Variants in TXNRD2 observed in about 807,000 individuals in gnomAD.
TXNRD2 encodes the protein thioredoxin reductase 2.
A neutral mutation model predicts 70.8 loss-of-function variants in TXNRD2; 67 were observed. That is an observed-to-expected ratio of 0.95 (90% CI 0.78 to 1.16). The LOEUF (loss-of-function observed/expected upper bound fraction) is 1.16, where lower values mean the gene tolerates loss of function less well. Ranked by LOEUF, TXNRD2 falls within the 50% of genes most tolerant of loss-of-function variation. The probability of loss-of-function intolerance (pLI) is 0.00; values close to 1 mark genes in which losing one functional copy is unlikely to be tolerated. For missense variants in TXNRD2, 644 were observed against 719.9 expected (o/e 0.89, Z 1.21); for synonymous variants, 301 against 295.8 (o/e 1.02, Z -0.18).
At position 19,889,627 on chromosome 22, in the gene TXNRD2, AATTATTATT is replaced by A. The variant is rs71186634; in HGVS notation, c.949+5771_949+5779del. 2.7e-5 allele frequency among the ~76,000 whole-genome samples: 4 copies of A among 150,342 alleles called. No homozygotes were observed. The East Asian group carries it at 5.9e-4, about 22-fold the overall frequency. ...ACCGTCTCAAAAACAAACAAAAAAC[AATTATTATT>A]ATTATTATTATTATTAATTATTTGA... is the stretch of plus-strand genomic sequence containing the variant. On this transcript the variant is annotated intron_variant, in intron 11 of 17. Coordinates refer to ENST00000400521, the MANE Select transcript of TXNRD2 (RefSeq NM_006440.5).
intron 11 of TXNRD2, among the ~76,000 whole-genome samples, chr22:19,888,911 T>C (rs1939145180): frequency 6.7e-6 from 1 of 149,076 alleles, no homozygotes; most frequent in Non-Finnish European, 1.5e-5. Context: ...GAATCGCACC[T>C]TCTCAATGAG....
rs1388056453 is a variant in TXNRD2 at position 19,878,167 on chromosome 22, G to A, written c.1368C>T (p.Pro456=). The A allele has an allele frequency of 1.4e-5, 22 of 1,613,128 alleles. No homozygotes were observed. The African/African-American group carries it at 2.4e-4, about 18-fold the overall frequency. The change falls in exon 16 of 18, where the codon CCC becomes CCT. Residue 456 remains proline, a synonymous_variant. Coordinates refer to ENST00000400521, the MANE Select transcript of TXNRD2 (RefSeq NM_006440.5). ...AATGCAGGCCCAGCACCAGCTGTGG[G>A]GGCTCCCTCAGGCACACCATCTGAA... is the stretch of plus-strand genomic sequence containing the variant. ...CYVKMVCLRE[P]PQLVLGLHFL...
chr22:19,901,798 G>A (rs1212978604), intron 8 of TXNRD2, among the ~76,000 whole-genome samples: 4 of 152,202 alleles, frequency 2.6e-5, no homozygotes, highest in Non-Finnish European at 4.4e-5. Flanking sequence ...ACCAACTCAA[G>A]CCATGACTGG....
At chr22:19,878,317 T>C (rs1366418400) in intron 15 of TXNRD2, 49 bp downstream of exon 15, 4 of 1,607,956 alleles carry the variant, frequency 2.5e-6, no homozygotes, top group Non-Finnish European at 3.4e-6. Flanking sequence ...CCAGGCTCTT[T>C]GCCACCCTCC....
At chr22:19,907,668 C>A (rs1450941432) in intron 8 of TXNRD2, among the ~76,000 whole-genome samples, 18 of 35,238 alleles carry the variant, frequency 5.1e-4, no homozygotes, top group African/African-American at 6.2e-4. Flanking sequence ...TAGCAGTGAC[C>A]GCTCTCAGGA....
In TXNRD2 at chr22:19,936,911, G is replaced by A. The variant is rs576241000; in HGVS notation, c.103+4790C>T. 7.2e-5 allele frequency among the ~76,000 whole-genome samples: 11 copies of A among 152,188 alleles called. No homozygotes were observed. In the South Asian group the frequency reaches 1.5e-3, roughly 20 times the overall value. On this transcript the variant is annotated intron_variant, in intron 1 of 17. Coordinates refer to ENST00000400521, the MANE Select transcript of TXNRD2 (RefSeq NM_006440.5). ...GTAGATTAGAGGCGTGGGCTTATTCGGTCATGCTGGAACCTCCTAATGCTC... is the reference window on the plus strand; with the variant it reads ...GTAGATTAGAGGCGTGGGCTTATTCAGTCATGCTGGAACCTCCTAATGCTC...
intron 2 of TXNRD2, among the ~76,000 whole-genome samples, chr22:19,924,210 G>T (rs1456361972): frequency 6.6e-6 from 1 of 152,008 alleles, no homozygotes; most frequent in African/African-American, 2.4e-5. Context: ...CTCCGAAGGG[G>T]AGGACAGTGC....
rs1334948231 is a variant in TXNRD2, at chr22:19,911,419, G to A, written c.620C>T (p.Thr207Ile). Reference protein sequence around the residue: ...HIEGALEYGITSDDIFWLKES... With the variant: ...HIEGALEYGIISDDIFWLKES... ...CTTCAGCCAGAAGATGTCATCACTT[G>A]TGATTCCATATTCCAAGGCACCTTC... The change falls in exon 8 of 18, where the codon ACA becomes ATA. Residue 207 changes from threonine (T) to isoleucine (I), a missense_variant. Thr to Ile is a moderately conservative substitution (Grantham distance 89). Around this residue, in one of 3 missense-constraint regions of TXNRD2, gnomAD observed 566 missense variants for 645.0 expected, o/e 0.88. Transcript: ENST00000400521. The A allele has an allele frequency of 3.7e-6, 6 of 1,614,068 alleles. No individual in the cohort carries two copies. The highest frequency in any genetic ancestry group is 2.2e-5 in the East Asian group (1 of 44,882).
chr22:19,911,995 G>C (rs1752652630), intron 7 of TXNRD2, among the ~76,000 whole-genome samples: 1 of 152,170 alleles, frequency 6.6e-6, no homozygotes, highest in Admixed American at 6.5e-5. Flanking sequence ...GGAGGCACAG[G>C]GGGTAAGTGC....
intron 8 of TXNRD2, among the ~76,000 whole-genome samples, chr22:19,900,412 T>C (rs927956993): frequency 1.9e-4 from 29 of 152,188 alleles, no homozygotes; most frequent in Admixed American, 2.6e-4. Flanking sequence ...CCAAACTCTT[T>C]TTGGACTTGC....
At chr22:19,936,056 C>T (rs1306368853) in intron 1 of TXNRD2, among the ~76,000 whole-genome samples, 2 of 152,134 alleles carry the variant, frequency 1.3e-5, no homozygotes, top group Non-Finnish European at 2.9e-5. Flanking sequence ...GAACACTGTC[C>T]TTGGTTTCCT....
chr22:19,909,936 TCACACACCACACA>T (rs1569094110), intron 8 of TXNRD2, among the ~76,000 whole-genome samples: 11 of 35,434 alleles, frequency 3.1e-4, no homozygotes, highest in Non-Finnish European at 5.5e-4. Context: ...CACACACCAC[TCACACACCACACA>T]CACACACCAC....
At chr22:19,934,542 C>T (rs796319567) in intron 1 of TXNRD2, among the ~76,000 whole-genome samples, 2 of 151,570 alleles carry the variant, frequency 1.3e-5, no homozygotes, top group African/African-American at 4.8e-5. Flanking sequence ...TATCAATTCC[C>T]AAGTAATACT....
chr22:19,890,336 A>C (rs77053516), intron 11 of TXNRD2, among the ~76,000 whole-genome samples: 2 of 152,210 alleles, frequency 1.3e-5, no homozygotes, highest in East Asian at 3.8e-4. Context: ...TGATGTCATT[A>C]ATTACAAACT....
At chr22:19,927,956 T>C (rs1046545190) in intron 2 of TXNRD2, among the ~76,000 whole-genome samples, 4 of 152,060 alleles carry the variant, frequency 2.6e-5, no homozygotes, top group Admixed American at 2.0e-4. Flanking sequence ...TGATAAAATA[T>C]GTGAAAGACG....
At chr22:19,909,884 C>CCT (rs745744670) in intron 8 of TXNRD2, among the ~76,000 whole-genome samples, 5 of 44,826 alleles carry the variant, frequency 1.1e-4, no homozygotes, top group African/African-American at 6.1e-4. Flanking sequence ...TCACACACAC[C>CCT]ACTCACACAC....
intron 5 of TXNRD2, chr22:19,916,202 T>C: frequency 6.0e-6 from 2 of 334,998 alleles, no homozygotes; most frequent in Non-Finnish European, 1.2e-5. Context: ...CAGGGAGCTG[T>C]GGTGCCCACC....
intron 9 of TXNRD2, among the ~76,000 whole-genome samples, chr22:19,898,510 CTTTTTTTTTTTT>C (rs386394954): frequency 1.1e-5 from 1 of 94,388 alleles, no homozygotes; most frequent in Non-Finnish European, 2.0e-5. Flanking sequence ...CGGCTTGGGG[CTTTTTTTTTTTT>C]TTTTTTTTTT....
At chr22:19,880,903 AG>A (rs1374069727) in intron 12 of TXNRD2, 186 bp from the exon 13 acceptor site, 6 of 601,976 alleles carry the variant, frequency 1.0e-5, no homozygotes, top group Non-Finnish European at 1.8e-5. Context: ...CCAAGGACCT[AG>A]GTAGGTTGCT....
Sources: allele counts gnomAD v4.1 joint callset (sites outside exome capture counted in the v4.1 genomes callset), GRCh38; gene constraint gnomAD v4.1.1; regional missense constraint gnomAD v4.1.1; transcripts MANE v1.5; gene names NCBI Gene and HGNC (gene_info 2026-07-23, HGNC 2026-07-21).